DGKB: variants seen among roughly 807,000 people sequenced by gnomAD.
The protein encoded by DGKB is diacylglycerol kinase beta.
In DGKB, 67 loss-of-function variants were observed where a neutral mutation model predicts 114.3. The observed-to-expected ratio is 0.59, with a 90% CI of 0.48 to 0.72. The LOEUF is 0.72. Ranked by LOEUF, DGKB falls within the 30% of genes least tolerant of loss-of-function variation. DGKB has a pLI of 0.00. For missense variants in DGKB, 907 were observed against 975.2 expected (o/e 0.93, Z 0.93); for synonymous variants, 398 against 323.1 (o/e 1.23, Z -2.49).
At chr7:14,180,924 A>G (rs1033328606) in intron 23 of DGKB, among the ~76,000 whole-genome samples, 3 of 152,064 alleles carry the variant, frequency 2.0e-5, no homozygotes, top group Non-Finnish European at 4.4e-5. Context: ...AACCTATTTA[A>G]TTGGTTTGCT....
chr7:14,769,500 C>T (rs1470774335), intron 2 of DGKB, among the ~76,000 whole-genome samples: 4 of 150,710 alleles, frequency 2.7e-5, no homozygotes, highest in Admixed American at 6.6e-5. Context: ...TTTTAACAAG[C>T]ACCATCTCAT....
At chr7:14,927,528 C>T (rs1015463671) in intron 1 of DGKB, among the ~76,000 whole-genome samples, 1 of 150,642 alleles carries the variant, frequency 6.6e-6, no homozygotes, top group African/African-American at 2.4e-5. Flanking sequence ...TAAAACTATA[C>T]AAAAAAAAGC....
intron 13 of DGKB, among the ~76,000 whole-genome samples, chr7:14,670,970 G>C (rs1473996044): frequency 6.6e-6 from 1 of 152,116 alleles, no homozygotes; most frequent in Non-Finnish European, 1.5e-5. Flanking sequence ...CTCTGGGATA[G>C]CATATATGCT....
At position 14,178,142 on chromosome 7, in the gene DGKB, T is replaced by C. The variant is rs1357692414; in HGVS notation, c.2132A>G (p.Asp711Gly). The change falls in exon 24 of 26, where the codon GAC becomes GGC. Residue 711 changes from aspartate to glycine, a missense_variant. Transcript: ENST00000402815. ...ELKFASQDLSDQLLEVVGLEG... is the reference protein window; with the variant it reads ...ELKFASQDLSGQLLEVVGLEG... Reference sequence around the variant, plus strand: ...CAAGCCGACCACCTCCAGCAGCTGGTCACTGAGATCTGAAAGAAAGTAGAT... The same window carrying C: ...CAAGCCGACCACCTCCAGCAGCTGGCCACTGAGATCTGAAAGAAAGTAGAT... 1 of 1,613,354 alleles carries C rather than the reference T, an allele frequency of 6.2e-7. No homozygotes were observed. Among genetic ancestry groups the C allele is most frequent in the African/African-American group, 1.3e-5 (1 of 74,856 alleles).
intron 14 of DGKB, among the ~76,000 whole-genome samples, chr7:14,622,919 A>G (rs1386477476): frequency 6.6e-6 from 1 of 152,192 alleles, no homozygotes; most frequent in African/African-American, 2.4e-5. Context: ...GTCAAATGTC[A>G]GAGAAGTTTC....
intron 21 of DGKB, among the ~76,000 whole-genome samples, chr7:14,351,070 C>CTTGAAGCATAGCA (rs74281309): frequency 0.78 from 118,249 of 151,942 alleles, 47,082 homozygotes; most frequent in African/African-American, 0.92. Context: ...ATGGCATAGC[C>CTTGAAGCATAGCA]GGAATTTGGA....
At chr7:14,873,696 A>C (rs1852822678) in intron 1 of DGKB, among the ~76,000 whole-genome samples, 1 of 151,986 alleles carries the variant, frequency 6.6e-6, no homozygotes, top group Admixed American at 6.6e-5. Context: ...TAATATGTAC[A>C]TACACAACAA....
intron 1 of DGKB, among the ~76,000 whole-genome samples, chr7:14,936,739 C>T (rs1156434346): frequency 6.6e-6 from 1 of 152,072 alleles, no homozygotes; most frequent in Non-Finnish European, 1.5e-5. Flanking sequence ...ATTACTCTCC[C>T]ATTCCCATGT....
At position 14,574,297 on chromosome 7, in the gene DGKB, T is replaced by C. The variant is rs756399065; in HGVS notation, c.1685A>G (p.Lys562Arg). Residue 562 changes from lysine (K) to arginine (R), a missense_variant, in exon 20 of 26, where the codon AAG (lysine) becomes AGG (arginine). Physicochemically the swap from Lys to Arg is conservative, Grantham distance 26. Transcript: ENST00000402815. ...NSTEIMLDRWKFEVIPNDKDE... is the reference protein window; with the variant it reads ...NSTEIMLDRWRFEVIPNDKDE... The stretch of plus-strand genomic sequence containing the variant: ...TTTGTCATTAGGTATGACTTCAAAC[T>C]TCCACCTGTCCAACATGATTTCTGT... The C allele has an allele frequency of 8.1e-6, 13 of 1,613,224 alleles. No homozygotes were observed. In the African/African-American group the frequency reaches 1.5e-4, roughly 18 times the overall value.
At chr7:14,945,373 A>G (rs1785814959) in intron 1 of DGKB, among the ~76,000 whole-genome samples, 1 of 151,862 alleles carries the variant, frequency 6.6e-6, no homozygotes, top group Admixed American at 6.6e-5. Context: ...GTCCTGTTCT[A>G]GTTCGTGAAT....
intron 13 of DGKB, among the ~76,000 whole-genome samples, chr7:14,661,058 A>G (rs1378178932): frequency 6.6e-6 from 1 of 151,290 alleles, no homozygotes; most frequent in Non-Finnish European, 1.5e-5. Context: ...TCAATTCAAG[A>G]TGGATTAAAG....
At chr7:14,191,131 A>C (rs564077318) in intron 23 of DGKB, 27 of 172,370 alleles carry the variant, frequency 1.6e-4, no homozygotes, top group African/African-American at 6.4e-4. Flanking sequence ...GCTGACTGTG[A>C]TGTCCTGATT....
intron 2 of DGKB, among the ~76,000 whole-genome samples, chr7:14,759,517 C>T (rs1835384663): frequency 6.6e-6 from 1 of 151,970 alleles, no homozygotes; most frequent in Non-Finnish European, 1.5e-5. Flanking sequence ...AATATGTTTC[C>T]TTTGTGTCTG....
intron 1 of DGKB, among the ~76,000 whole-genome samples, chr7:14,880,457 C>CAAAT (rs894344844): frequency 3.3e-5 from 5 of 151,998 alleles, no homozygotes; most frequent in South Asian, 2.1e-4. Context: ...GACTCCATCT[C>CAAAT]AAATAAATAA....
chr7:14,484,056 A>G (rs1197907943), intron 20 of DGKB, among the ~76,000 whole-genome samples: 1 of 151,314 alleles, frequency 6.6e-6, no homozygotes, highest in African/African-American at 2.4e-5. Context: ...TGAGAAAAAC[A>G]TTATTCTATA....
At chr7:14,150,233 A>G (rs181314236) in intron 25 of DGKB, among the ~76,000 whole-genome samples, 3 of 152,252 alleles carry the variant, frequency 2.0e-5, no homozygotes, top group African/African-American at 7.2e-5. Context: ...ATTAAATATC[A>G]GTTGTCACCT....
chr7:14,533,036 A>G (rs1482692269), intron 20 of DGKB, among the ~76,000 whole-genome samples: 1 of 151,830 alleles, frequency 6.6e-6, no homozygotes, highest in Non-Finnish European at 1.5e-5. Context: ...AACTCTAACG[A>G]AATGAAAGTC....
At chr7:14,485,891 C>CAAAA (rs11454311) in intron 20 of DGKB, among the ~76,000 whole-genome samples, 3 of 115,420 alleles carry the variant, frequency 2.6e-5, no homozygotes, top group East Asian at 4.6e-4. Flanking sequence ...AACTCCATCT[C>CAAAA]AAAAAAAAAA....
In DGKB at chr7:14,747,775, G is replaced by GCGCGCGTGCGCGCGCGCACACACA; in HGVS notation, c.168+6152_168+6153insTGTGTGTGCGCGCGCGCACGCGCG. On this transcript the variant is annotated intron_variant, in intron 4 of 25. Transcript: ENST00000402815. ...GCTGTGGGCTCAAACACATCCACGCGCACGCACACACACACACACACACAC... is the reference window on the plus strand; with the variant it reads ...GCTGTGGGCTCAAACACATCCACGCGCGCGCGTGCGCGCGCGCACACACACACGCACACACACACACACACACAC... 5.4e-3 allele frequency among the ~76,000 whole-genome samples: 800 copies of GCGCGCGTGCGCGCGCGCACACACA among 149,260 alleles called. 3 individuals are homozygous for GCGCGCGTGCGCGCGCGCACACACA. Among genetic ancestry groups the GCGCGCGTGCGCGCGCGCACACACA allele is most frequent in the African/African-American group, 0.019 (764 of 39,678 alleles).
Sources: gnomAD v4.1 joint callset for allele counts (sites outside exome capture counted in the v4.1 genomes callset) on GRCh38, gnomAD v4.1.1 for gene constraint, MANE v1.5 for transcripts, NCBI Gene and HGNC (gene_info 2026-07-23, HGNC 2026-07-21) for gene names.